The following RBFOX1 variants were observed in gnomAD, a reference collection of about 807,000 sequenced individuals.
The protein encoded by RBFOX1 is RNA binding fox-1 homolog 1.
In RBFOX1, 8 loss-of-function variants were observed where a neutral mutation model predicts 57.7. That is an observed-to-expected ratio of 0.14 (90% CI 0.08 to 0.25). The LOEUF (loss-of-function observed/expected upper bound fraction) is 0.25. RBFOX1 is among the 10% of genes least tolerant of loss of function. The probability of loss-of-function intolerance (pLI) is 1.00; values close to 1 mark genes in which losing one functional copy is unlikely to be tolerated. For missense variants in RBFOX1, 611 were observed against 548.5 expected, an observed-to-expected ratio of 1.11 and a Z score of -1.14; for synonymous variants, 326 against 222.4, an observed-to-expected ratio of 1.47 and a Z score of -4.15.
intron 4 of RBFOX1, among the ~76,000 whole-genome samples, chr16:7,194,815 C>G (rs139010292): frequency 2.0e-5 from 3 of 151,570 alleles, no homozygotes; most frequent in Admixed American, 6.6e-5. Context: ...GTGGTTCTCG[C>G]CACTAGGGAG....
intron 4 of RBFOX1, among the ~76,000 whole-genome samples, chr16:7,306,378 G>A (rs1183672415): frequency 6.6e-6 from 1 of 152,136 alleles, no homozygotes. Flanking sequence ...TCTGGAAAGG[G>A]GAGGCTTGAA....
intron 3 of RBFOX1, among the ~76,000 whole-genome samples, chr16:5,614,401 A>T (rs1403800993): frequency 1.3e-5 from 2 of 152,108 alleles, no homozygotes; most frequent in African/African-American, 4.8e-5. Context: ...GGATTTCATA[A>T]ACATTATGTT....
intron 4 of RBFOX1, among the ~76,000 whole-genome samples, chr16:7,427,032 C>G (rs529235299): frequency 6.6e-6 from 1 of 152,282 alleles, no homozygotes; most frequent in South Asian, 2.1e-4. Flanking sequence ...CCAAACACTG[C>G]GTGTTCTCAC....
intron 2 of RBFOX1, among the ~76,000 whole-genome samples, chr16:5,559,091 A>G (rs909349773): frequency 2.1e-5 from 3 of 141,108 alleles, no homozygotes; most frequent in African/African-American, 7.9e-5. Context: ...TGAGATTTTG[A>G]TATGTGATCA....
chr16:6,770,149 T>C (rs1479556278), intron 3 of RBFOX1, among the ~76,000 whole-genome samples: 1 of 152,174 alleles, frequency 6.6e-6, no homozygotes, highest in Non-Finnish European at 1.5e-5. Context: ...GTATACCCTT[T>C]CAAGTGTCTG....
At chr16:7,187,491 C>A (rs559121012) in intron 4 of RBFOX1, among the ~76,000 whole-genome samples, 27 of 151,286 alleles carry the variant, frequency 1.8e-4, no homozygotes, top group Non-Finnish European at 3.4e-4. Context: ...AGATCGAGAC[C>A]ATCCTGGCTA....
chr16:5,659,092 C>T (rs913991558), intron 3 of RBFOX1, among the ~76,000 whole-genome samples: 1 of 151,884 alleles, frequency 6.6e-6, no homozygotes, highest in Non-Finnish European at 1.5e-5. Context: ...CACTGTTTTC[C>T]ATAGTGGTTG....
At chr16:5,355,887 T>C (rs1830304) in intron 1 of RBFOX1, among the ~76,000 whole-genome samples, 127,176 of 152,076 alleles carry the variant, frequency 0.84, 56,781 homozygotes, top group East Asian at 1. Flanking sequence ...GACTAGGAGT[T>C]TGAGACCAGC....
At chr16:7,389,651 C>T (rs1219516096) in intron 4 of RBFOX1, among the ~76,000 whole-genome samples, 1 of 152,094 alleles carries the variant, frequency 6.6e-6, no homozygotes, top group Non-Finnish European at 1.5e-5. Flanking sequence ...TATGTTGGGA[C>T]CCTACAGAGA....
At position 5,947,148 on chromosome 16, in the gene RBFOX1, T is replaced by A. The variant is rs1373617911; in HGVS notation, c.351+79813T>A. Among the ~76,000 whole-genome samples the A allele has an allele frequency of 6.6e-6, 1 of 151,950 alleles. No homozygotes were observed. The highest frequency in any genetic ancestry group is 1.9e-4 in the East Asian group (1 of 5,174). ...GGAGGATCATGTGAACTCAGGAGGT[T>A]GAGGTTGCAGCGAGCCGTGATTCTG... On this transcript the variant is annotated intron_variant, in intron 4 of 19. Coordinates refer to the RBFOX1 transcript ENST00000641259. The surrounding 1 kb of genome is among the most constrained non-coding windows in gnomAD (Gnocchi z 7.2).
chr16:5,273,923 G>T (rs1277515051), intron 1 of RBFOX1, among the ~76,000 whole-genome samples: 1 of 152,158 alleles, frequency 6.6e-6, no homozygotes, highest in Non-Finnish European at 1.5e-5. Flanking sequence ...TTCCCCACCT[G>T]CCAGGTATCC....
chr16:5,455,986 G>T (rs1426547398), intron 1 of RBFOX1, among the ~76,000 whole-genome samples: 1 of 151,908 alleles, frequency 6.6e-6, no homozygotes, highest in African/African-American at 2.4e-5. Flanking sequence ...GATTTTTGTT[G>T]AGTTTCATAA....
intron 14 of RBFOX1, among the ~76,000 whole-genome samples, chr16:7,682,354 G>A (rs1467536827): frequency 2.6e-5 from 4 of 152,040 alleles, no homozygotes; most frequent in Admixed American, 2.6e-4. Context: ...TGAGGATGGA[G>A]TTCTTGGGGG....
intron 3 of RBFOX1, among the ~76,000 whole-genome samples, chr16:6,994,225 C>G (rs538859495): frequency 4.3e-4 from 65 of 152,240 alleles, no homozygotes; most frequent in African/African-American, 1.5e-3. Context: ...TGCAGTAGTA[C>G]TCTAAGGTTA....
intron 4 of RBFOX1, among the ~76,000 whole-genome samples, chr16:7,085,795 G>C (rs1222703628): frequency 6.6e-6 from 1 of 152,142 alleles, no homozygotes; most frequent in African/African-American, 2.4e-5. Flanking sequence ...CTTCTCCCAA[G>C]TAGGAGAAAG....
In RBFOX1 at chr16:7,474,701, C is replaced by T. The variant is rs140901448; in HGVS notation, c.28-43446C>T. 2.6e-5 allele frequency among the ~76,000 whole-genome samples: 4 copies of T among 152,288 alleles called. No individual in the cohort carries two copies. In the East Asian group the frequency reaches 7.7e-4, roughly 29 times the overall value. ...CTGGGTAAGTTACGAATATGCTTTCCCTTTCCAGTTCTTAATTTTTCTTCT... is the reference window on the plus strand; with the variant it reads ...CTGGGTAAGTTACGAATATGCTTTCTCTTTCCAGTTCTTAATTTTTCTTCT... On this transcript the variant is annotated intron_variant, in intron 4 of 15. Coordinates refer to ENST00000550418, the MANE Select transcript of RBFOX1 (RefSeq NM_018723.4).
At chr16:5,546,154 T>C (rs373425733) in intron 2 of RBFOX1, among the ~76,000 whole-genome samples, 4 of 152,128 alleles carry the variant, frequency 2.6e-5, no homozygotes, top group South Asian at 2.1e-4. Flanking sequence ...TTACAATATA[T>C]TAATAAGACA....
intron 4 of RBFOX1, among the ~76,000 whole-genome samples, chr16:5,918,412 G>C (rs1297731587): frequency 6.6e-6 from 1 of 152,156 alleles, no homozygotes; most frequent in African/African-American, 2.4e-5. Context: ...GAGCAACCAC[G>C]CCCAGCCAGT....
chr16:6,908,579 T>G (rs1373893408), intron 3 of RBFOX1, among the ~76,000 whole-genome samples: 32 of 152,242 alleles, frequency 2.1e-4, no homozygotes, highest in Admixed American at 2.1e-3. Context: ...CTTATCCATG[T>G]GCCTGGCACA....
Sources: allele counts gnomAD v4.1 joint callset (sites outside exome capture counted in the v4.1 genomes callset), GRCh38; gene constraint gnomAD v4.1.1; non-coding constraint Gnocchi (gnomAD v3.1); transcripts MANE v1.5; gene names NCBI Gene and HGNC (gene_info 2026-07-23, HGNC 2026-07-21).